NFIC: variants seen among roughly 807,000 people sequenced by gnomAD.
The protein encoded by NFIC is nuclear factor 1 C-type.
In NFIC, 12 loss-of-function variants were observed where a neutral mutation model predicts 54.4. That is an observed-to-expected ratio of 0.22 (90% confidence interval 0.14 to 0.36). NFIC has a LOEUF of 0.36. Among genes scored for constraint, NFIC ranks in the 10% least tolerant of loss-of-function variants. The pLI is 1.00. For synonymous variants in NFIC, 322 were observed against 319.2 expected (o/e 1.01, Z -0.09); for missense variants, 575 against 718.2 (o/e 0.80, Z 2.28).
rs539921554 is a variant in NFIC at position 3,369,859 on chromosome 19, G to A, written c.30+3193G>A. On this transcript the variant is annotated intron_variant, in intron 1 of 10. Coordinates refer to ENST00000443272, the MANE Select transcript of NFIC (RefSeq NM_001245002.2). The surrounding 1 kb of genome is among the most constrained non-coding windows in gnomAD (Gnocchi z 4.3). ...CCCGAGCCACCTCCATCCCGCCACC[G>A]GGTCCCTGTCTCATTCGTTCGTTGT... Among the ~76,000 whole-genome samples the A allele has an allele frequency of 1.2e-4, 19 of 152,326 alleles. No homozygotes were observed. The South Asian group carries it at 1.7e-3, about 13-fold the overall frequency.
intron 2 of NFIC, among the ~76,000 whole-genome samples, chr19:3,401,695 C>T (rs1255954893): frequency 2.0e-5 from 3 of 151,644 alleles, no homozygotes; most frequent in Admixed American, 6.6e-5. Context: ...AACCCAGGTA[C>T]GCCACCCACA....
intron 2 of NFIC, among the ~76,000 whole-genome samples, chr19:3,405,750 C>T (rs2081638624): frequency 6.6e-6 from 1 of 151,844 alleles, no homozygotes; most frequent in Non-Finnish European, 1.5e-5. Flanking sequence ...CAGGTGCCTG[C>T]CACTACACCC....
At chr19:3,450,023 C>G (rs950048858) in intron 7 of NFIC, among the ~76,000 whole-genome samples, 1 of 151,650 alleles carries the variant, frequency 6.6e-6, no homozygotes, top group Admixed American at 6.6e-5. Flanking sequence ...CCATTGCACT[C>G]CAACCTGGGC....
chr19:3,394,519 A>ACCCCCCC lies in NFIC; in HGVS notation c.562+12279_562+12280insCCCCCCC, dbSNP rs138210089. Among the ~76,000 whole-genome samples the ACCCCCCC allele has an allele frequency of 2.1e-4, 10 of 47,350 alleles. 1 individual carries two copies. Among genetic ancestry groups the ACCCCCCC allele is most frequent in the African/African-American group, 1.2e-3 (9 of 7,352 alleles). 31.1% of individuals were successfully genotyped at this position (47,350 alleles called of 152,430 possible). On this transcript the variant is annotated intron_variant, in intron 2 of 10. Transcript: ENST00000443272. The stretch of plus-strand genomic sequence containing the variant: ...CGAGGTATTTTATGATCTTTTCCCC[A>ACCCCCCC]CCCACCCCCCACCCGCTTACACTAA...
At chr19:3,381,689 C>T (rs1361065310) in intron 1 of NFIC, 23 bp from the exon 2 acceptor site, 3 of 1,611,050 alleles carry the variant, frequency 1.9e-6, no homozygotes, top group Non-Finnish European at 2.5e-6. Context: ...GCGCTCCTGA[C>T]CTCTCGCCTC....
chr19:3,468,971 C>T lies in NFIC; in HGVS notation c.*6202C>T, dbSNP rs35160631. On this transcript the variant is annotated 3_prime_UTR_variant, in exon 11 of 11. Transcript: ENST00000443272. Reference sequence around the variant, plus strand: ...TCTCCCCCCACCCCACCCCGCCCCTCACATCATACTCCAATCATAACCTTG... The same window carrying T: ...TCTCCCCCCACCCCACCCCGCCCCTTACATCATACTCCAATCATAACCTTG... 6.6e-6 allele frequency: 1 copy of T among 151,706 alleles called. No homozygotes were observed. Among genetic ancestry groups the T allele is most frequent in the Non-Finnish European group, 1.5e-5 (1 of 67,926 alleles). The allele number at this position is 151,706 out of a possible 1,614,324, so 9.4% of individuals were successfully genotyped here. A position where few individuals can be genotyped will look rare whatever the true frequency, so the allele number is the denominator to read the frequency against.
chr19:3,391,386 T>C (rs150873463), intron 2 of NFIC, among the ~76,000 whole-genome samples: 2,162 of 152,290 alleles, frequency 0.014, 54 homozygotes, highest in African/African-American at 0.05. Context: ...TGTGGTGGCT[T>C]ACGCCTGTAA....
intron 2 of NFIC, among the ~76,000 whole-genome samples, chr19:3,417,174 C>A (rs1025037525): frequency 6.6e-6 from 1 of 152,034 alleles, no homozygotes; most frequent in Non-Finnish European, 1.5e-5. Flanking sequence ...CGTGTGCCAC[C>A]ACGCCTGGCC....
chr19:3,424,821 C>T (rs1306415354), intron 2 of NFIC, among the ~76,000 whole-genome samples: 2 of 152,216 alleles, frequency 1.3e-5, no homozygotes, highest in Non-Finnish European at 2.9e-5. Context: ...ACGACTGAGC[C>T]GCCCCTGCAG....
upstream of NFIC, among the ~76,000 whole-genome samples, chr19:3,363,629 A>C (rs1023129418): frequency 1.3e-5 from 2 of 152,142 alleles, no homozygotes; most frequent in Admixed American, 6.6e-5. Context: ...AAAGGATACT[A>C]TGTATATTTG....
At position 3,370,744 on chromosome 19, in the gene NFIC, TTCTC is replaced by T. The variant is rs1334521458; in HGVS notation, c.30+4086_30+4089del. Reference sequence around the variant, plus strand: ...CCTCTCTCTCTGTTCCTCCTCTTCTTTCTCTCTCTCTGTCTCTCTGAGCTGGCCT... The same window carrying T: ...CCTCTCTCTCTGTTCCTCCTCTTCTTTCTCTCTGTCTCTCTGAGCTGGCCT... On this transcript the variant is annotated intron_variant, in intron 1 of 10. Coordinates refer to ENST00000443272, the MANE Select transcript of NFIC (RefSeq NM_001245002.2). This position sits in a 1 kb window ranked among gnomAD's most constrained non-coding sequence, Gnocchi z 5.2. Among the ~76,000 whole-genome samples the T allele has an allele frequency of 6.6e-6, 1 of 151,482 alleles. No homozygotes were observed. The highest frequency in any genetic ancestry group is 1.5e-5 in the Non-Finnish European group (1 of 67,836).
In NFIC at chr19:3,458,858, A is replaced by G. The variant is rs1253745745; in HGVS notation, c.1509+2223A>G. Among the ~76,000 whole-genome samples the G allele has an allele frequency of 6.6e-6, 1 of 152,206 alleles. No individual in the cohort carries two copies. Among genetic ancestry groups the G allele is most frequent in the South Asian group, 2.1e-4 (1 of 4,818 alleles). The stretch of plus-strand genomic sequence containing the variant: ...ACAGAAAGGAGGTGACACATTGTCA[A>G]GAGGCTCTCAGGGGAGCATGGGTTA... On this transcript the variant is annotated intron_variant, in intron 10 of 10. Transcript: ENST00000443272. This position sits in a 1 kb window ranked among gnomAD's most constrained non-coding sequence, Gnocchi z 4.1.
chr19:3,366,537 G>GGGGGGGGGGTTGGGGGGGGC, upstream of NFIC: 1 of 571,342 alleles, frequency 1.8e-6, no homozygotes, highest in Non-Finnish European at 2.7e-6. Flanking sequence ...CGCGGGGCGG[G>GGGGGGGGGGTTGGGGGGGGC]GGGGGGGGTT....
chr19:3,444,440 G>T (rs1353113033), intron 6 of NFIC, among the ~76,000 whole-genome samples: 1 of 152,238 alleles, frequency 6.6e-6, no homozygotes, highest in Non-Finnish European at 1.5e-5. Context: ...GCACATGCCC[G>T]CTGGCTGAAC....
chr19:3,449,497 C>G (rs1458353198), intron 7 of NFIC, among the ~76,000 whole-genome samples: 1 of 152,294 alleles, frequency 6.6e-6, no homozygotes, highest in Non-Finnish European at 1.5e-5. Flanking sequence ...CAGTGGCTCA[C>G]ACCTGTAATC....
At chr19:3,391,513 TAGGCCA>T (rs1180994613) in intron 2 of NFIC, among the ~76,000 whole-genome samples, 1 of 151,756 alleles carries the variant, frequency 6.6e-6, no homozygotes, top group Non-Finnish European at 1.5e-5. Flanking sequence ...TAGCCAGTCG[TAGGCCA>T]GGCGCGGTGG....
At chr19:3,433,396 C>A (rs1003065510) in intron 3 of NFIC, 122 bp from the exon 4 acceptor site, 2 of 971,846 alleles carry the variant, frequency 2.1e-6, no homozygotes, top group African/African-American at 1.6e-5. Flanking sequence ...CCCCACAGCA[C>A]AGGATGGACA....
chr19:3,386,643 G>A (rs1263653413), intron 2 of NFIC, among the ~76,000 whole-genome samples: 1 of 151,924 alleles, frequency 6.6e-6, no homozygotes, highest in Non-Finnish European at 1.5e-5. Context: ...ATTTTACAGA[G>A]GAGGAAACAG....
chr19:3,380,411 T>C (rs1448973951), intron 1 of NFIC, among the ~76,000 whole-genome samples: 2 of 136,542 alleles, frequency 1.5e-5, no homozygotes, highest in Non-Finnish European at 3.1e-5. Flanking sequence ...CTGCAACCTC[T>C]GCCTCCCAGG....
Sources: gnomAD v4.1 joint callset for allele counts (sites outside exome capture counted in the v4.1 genomes callset) on GRCh38, gnomAD v4.1.1 for gene constraint, Gnocchi (gnomAD v3.1) non-coding constraint, MANE v1.5 for transcripts, NCBI Gene and HGNC (gene_info 2026-07-23, HGNC 2026-07-21) for gene names.